OTUD4: variants seen among roughly 807,000 people sequenced by gnomAD.
OTUD4 encodes the protein OTU domain-containing protein 4.
Under a neutral mutation model 130.4 loss-of-function variants are expected in OTUD4, and 24 were observed. The observed-to-expected ratio is 0.18, with a 90% CI of 0.13 to 0.26. The LOEUF is 0.26. Ranked by LOEUF, OTUD4 falls within the 10% of genes least tolerant of loss-of-function variation. OTUD4 has a pLI of 1.00. For missense variants in OTUD4, 1,031 were observed against 1,329.4 expected, an observed-to-expected ratio of 0.78 and a Z score of 3.49; for synonymous variants, 420 against 472.5, an observed-to-expected ratio of 0.89 and a Z score of 1.44.
rs1334627256 is a variant in OTUD4 at position 145,136,265 on chromosome 4, A to G, written c.*1165T>C. ...AGGGAACCTCTAGTGAATACTGCAAAGACTGGAAGAAAACAGAATGTAAGA... is the reference window on the plus strand; with the variant it reads ...AGGGAACCTCTAGTGAATACTGCAAGGACTGGAAGAAAACAGAATGTAAGA... On this transcript the variant is annotated 3_prime_UTR_variant, in exon 21 of 21. Transcript: ENST00000447906. 1 of 152,576 alleles carries G rather than the reference A, an allele frequency of 6.6e-6. No homozygotes were observed. Among genetic ancestry groups the G allele is most frequent in the East Asian group, 1.9e-4 (1 of 5,200 alleles). 9.5% of individuals were successfully genotyped at this position (152,576 alleles called of 1,614,324 possible).
chr4:145,153,497 C>T (rs1468443995), intron 10 of OTUD4, among the ~76,000 whole-genome samples: 1 of 152,216 alleles, frequency 6.6e-6, no homozygotes, highest in East Asian at 1.9e-4. Flanking sequence ...CACACAGCAA[C>T]CACTCTACAA....
chr4:145,175,567 C>T (rs1026337109), intron 1 of OTUD4, among the ~76,000 whole-genome samples: 10 of 149,974 alleles, frequency 6.7e-5, no homozygotes, highest in Admixed American at 3.3e-4. Flanking sequence ...TTTTTTGAGA[C>T]GGAGTCCTGC....
At chr4:145,170,714 A>G (rs1752114999) in intron 3 of OTUD4, 1 of 152,256 alleles carries the variant, frequency 6.6e-6, no homozygotes, top group Non-Finnish European at 1.5e-5. Flanking sequence ...TACATCAGTC[A>G]TCGATCAAAC....
rs1248991495 is a variant in OTUD4, at chr4:145,141,430, C to G, written c.2032G>C (p.Ala678Pro). 6 of 1,613,594 alleles carry G rather than the reference C, an allele frequency of 3.7e-6. No homozygotes were observed. In the Middle Eastern group the frequency reaches 6.6e-4, roughly 177 times the overall value. The change falls in exon 19 of 21, where the codon GCC (alanine) becomes CCC (proline). Residue 678 changes from alanine to proline, a missense_variant. By Grantham distance (27) the Ala-to-Pro change is conservative (BLOSUM62 -1). Around this residue, in one of 3 missense-constraint regions of OTUD4, gnomAD observed 900 missense variants for 1,095.9 expected, o/e 0.82. Transcript: ENST00000447906. ...CACAGTGAATAAGGTGGTACAATGGCTCGATCTCCCTTTTCATTACAAGGA... is the reference window on the plus strand; with the variant it reads ...CACAGTGAATAAGGTGGTACAATGGGTCGATCTCCCTTTTCATTACAAGGA... ...GFPCNEKGDR[A>P]IVPPYSLCQT...
chr4:145,150,406 AATGAT>A (rs1033756880), intron 13 of OTUD4, 102 bp downstream of exon 13: 1 of 706,112 alleles, frequency 1.4e-6, no homozygotes, highest in Non-Finnish European at 2.4e-6. Flanking sequence ...ATATAGGGAC[AATGAT>A]ATGAGTAAAA....
chr4:145,155,525 G>C (rs542746688), intron 9 of OTUD4, 44 bp downstream of exon 9: 2 of 1,595,904 alleles, frequency 1.3e-6, no homozygotes, highest in Admixed American at 3.5e-5. Flanking sequence ...TTATTTTCAA[G>C]TGCTACAAAG....
chr4:145,155,533 A>G, intron 9 of OTUD4, 36 bp downstream of exon 9: 1 of 1,599,464 alleles, frequency 6.3e-7, no homozygotes, highest in Non-Finnish European at 8.5e-7. Context: ...AAGTGCTACA[A>G]AGCAAATTTA....
In OTUD4 at chr4:145,143,331, G is replaced by A. The variant is rs747566911; in HGVS notation, c.1683+34C>T. 6 of 1,277,428 alleles carry A rather than the reference G, an allele frequency of 4.7e-6. No individual in the cohort carries two copies. In the Middle Eastern group the frequency reaches 5.5e-4, roughly 117 times the overall value. The allele number at this position is 1,277,428 out of a possible 1,614,324, so 79.1% of individuals were successfully genotyped here. ...ACAGAGCACAGAAACCCAGAGAGTGGAGCATTCAATGTTAAATGCAACAAT... is the reference window on the plus strand; with the variant it reads ...ACAGAGCACAGAAACCCAGAGAGTGAAGCATTCAATGTTAAATGCAACAAT... On this transcript the variant is annotated intron_variant, in intron 17 of 20. Transcript: ENST00000447906.
intron 7 of OTUD4, 129 bp from the exon 8 acceptor site, chr4:145,156,125 C>T: frequency 1.6e-6 from 1 of 639,582 alleles, no homozygotes; most frequent in South Asian, 2.3e-5. Context: ...TGAGCTCATA[C>T]AAGTTTTGGT....
rs78981801 is a variant in OTUD4 at position 145,177,252 on chromosome 4, A to C, written c.160-2508T>G. On this transcript the variant is annotated intron_variant, in intron 1 of 20. Coordinates refer to ENST00000447906, the MANE Select transcript of OTUD4 (RefSeq NM_001366057.1). ...ATTTACCTAGCAACAGGTGGCAAAC[A>C]TAAGTTAGTAAAGCTTATTTTCAAT... is the stretch of plus-strand genomic sequence containing the variant. Among the ~76,000 whole-genome samples, 37 of 152,360 alleles carry C rather than the reference A, an allele frequency of 2.4e-4. 1 individual carries two copies. Among genetic ancestry groups the C allele is most frequent in the Admixed American group, 4.6e-4 (7 of 15,302 alleles).
Position 145,146,361 on chromosome 4 carries a change from G to A in OTUD4, c.1328C>T (p.Ser443Phe), listed in dbSNP as rs1296001939. 1.9e-6 allele frequency: 3 copies of A among 1,594,576 alleles called. No homozygotes were observed. The highest frequency in any genetic ancestry group is 1.8e-5 in the Admixed American group (1 of 55,986). ...TSRESNYFGL[S>F]PEERREKQAI... The stretch of plus-strand genomic sequence containing the variant: ...TTGCTTCTCTCTGCGCTCTTCTGGG[G>A]AAAGGCCGAAATAGTTAGATTCTCG... Residue 443 changes from serine (S) to phenylalanine (F), a missense_variant, in exon 14 of 21, where the codon TCC (serine) becomes TTC (phenylalanine). Ser to Phe is a radical substitution (Grantham distance 155). Transcript: ENST00000447906.
At chr4:145,175,377 G>C (rs1752368681) in intron 1 of OTUD4, among the ~76,000 whole-genome samples, 1 of 152,136 alleles carries the variant, frequency 6.6e-6, no homozygotes, top group Non-Finnish European at 1.5e-5. Context: ...GAGGTTTGGG[G>C]TTTGTTTTTA....
At chr4:145,161,112 A>C (rs1051905431) in intron 6 of OTUD4, among the ~76,000 whole-genome samples, 4 of 85,488 alleles carry the variant, frequency 4.7e-5, no homozygotes, top group African/African-American at 7.1e-5. Flanking sequence ...TCCACCTCAA[A>C]ACAACAACAA....
At chr4:145,140,925 G>C (rs1358036854) in intron 19 of OTUD4, among the ~76,000 whole-genome samples, 1 of 152,018 alleles carries the variant, frequency 6.6e-6, no homozygotes, top group Non-Finnish European at 1.5e-5. Context: ...CAGCACTTCG[G>C]GAGGCCAAGG....
At chr4:145,141,249 C>A in intron 19 of OTUD4, 130 bp downstream of exon 19, 1 of 469,226 alleles carries the variant, frequency 2.1e-6, no homozygotes. Context: ...ATAGCTAAAA[C>A]TTTGCTGTCC....
At position 145,146,394 on chromosome 4, in the gene OTUD4, T is replaced by C. The variant is rs774695400; in HGVS notation, c.1295A>G (p.His432Arg). 1 of 1,577,042 alleles carries C rather than the reference T, an allele frequency of 6.3e-7. No homozygotes were observed. The highest frequency in any genetic ancestry group is 8.6e-7 in the Non-Finnish European group (1 of 1,165,672). ...PDRERVEDFD[H>R]TSRESNYFGL... is the part of the protein sequence containing the mutation. ...GAAATAGTTAGATTCTCGACTTGTG[T>C]GATCAAAATCCTCAACTCTTTCACG... Residue 432 changes from histidine to arginine, a missense_variant, in exon 14 of 21, where the codon CAC (histidine) becomes CGC (arginine). Transcript: ENST00000447906.
rs548992967 is a variant in OTUD4 at position 145,135,841 on chromosome 4, A to C, written c.*1589T>G. ...AACAGCACAGAGGTAAATAACCATT[A>C]TTACAGTACAGTGGCGATTCACTAG... On this transcript the variant is annotated 3_prime_UTR_variant, in exon 21 of 21. Transcript: ENST00000447906. 63 of 152,784 alleles carry C rather than the reference A, an allele frequency of 4.1e-4. No homozygotes were observed. Among genetic ancestry groups the C allele is most frequent in the African/African-American group, 1.5e-3 (62 of 41,594 alleles). The allele number at this position is 152,784 out of a possible 1,614,324, so 9.5% of individuals were successfully genotyped here.
In OTUD4 at chr4:145,144,031, C is replaced by G. The variant is rs373038962; in HGVS notation, c.1547-30G>C. 7.2e-6 allele frequency: 11 copies of G among 1,537,708 alleles called. No individual in the cohort carries two copies. The African/African-American group carries it at 1.4e-4, about 19-fold the overall frequency. ...AGCAGATCAAGATTAAAAAAGACAGCATAAGCCACCAGTCATGTCTGAACA... is the reference window on the plus strand; with the variant it reads ...AGCAGATCAAGATTAAAAAAGACAGGATAAGCCACCAGTCATGTCTGAACA... On this transcript the variant is annotated intron_variant, in intron 15 of 20. Coordinates refer to ENST00000447906, the MANE Select transcript of OTUD4 (RefSeq NM_001366057.1).
Position 145,155,986 on chromosome 4 carries a change from C to T in OTUD4, c.640G>A (p.Ala214Thr), listed in dbSNP as rs1284776781. 7 of 1,608,588 alleles carry T rather than the reference C, an allele frequency of 4.4e-6. No homozygotes were observed. Among genetic ancestry groups the T allele is most frequent in the Admixed American group, 1.7e-5 (1 of 59,030 alleles). ...CCATTCACATCAGCAGCAGCAGCAG[C>T]AGTCTTACTCCTACAAAGAAAGATA... ...SEDDSCKSKT[A>T]AAAADVNGFK... The change falls in exon 8 of 21, where the codon GCT becomes ACT. Residue 214 changes from alanine (A) to threonine (T), a missense_variant. This residue lies in a region of OTUD4 where 900 missense variants were observed against 1,095.9 expected (regional missense o/e 0.82). Coordinates refer to ENST00000447906, the MANE Select transcript of OTUD4 (RefSeq NM_001366057.1).
Sources: gnomAD v4.1 joint callset for allele counts (sites outside exome capture counted in the v4.1 genomes callset) on GRCh38, gnomAD v4.1.1 for gene constraint, gnomAD v4.1.1 regional missense constraint, MANE v1.5 for transcripts, NCBI Gene and HGNC (gene_info 2026-07-23, HGNC 2026-07-21) for gene names.